Variants in NLRP5 observed in about 807,000 individuals in gnomAD.
NLRP5 encodes the protein NLR family pyrin domain containing 5, also known as NACHT, LRR and PYD domains-containing protein 5.
A neutral mutation model predicts 113.1 loss-of-function variants in NLRP5; 93 were observed. The observed-to-expected ratio is 0.82, with a 90% confidence interval of 0.70 to 0.98. The LOEUF is 0.98. NLRP5 is among the 50% of genes least tolerant of loss of function. NLRP5 has a pLI of 0.00. For synonymous variants in NLRP5, 751 were observed against 600.7 expected (o/e 1.25, Z -3.66); for missense variants, 1,808 against 1,514.3 (o/e 1.19, Z -3.22).
rs1555767859 is a variant in NLRP5 at position 56,030,714 on chromosome 19, C to CTTCTTTTTTTTTTTTTTTTTT, written c.2277-1895_2277-1894insCTTTTTTTTTTTTTTTTTTTT. ...ACTTACATTCATTCGCTTTCTTCTTCTTTTTTTTTTTTTTTTTTGAGACGG... is the reference window on the plus strand; with the variant it reads ...ACTTACATTCATTCGCTTTCTTCTTCTTCTTTTTTTTTTTTTTTTTTTTTTTTTTTTTTTTTTTTGAGACGG... On this transcript the variant is annotated intron_variant, in intron 7 of 14. Transcript: ENST00000390649. Among the ~76,000 whole-genome samples the CTTCTTTTTTTTTTTTTTTTTT allele has an allele frequency of 1.5e-3, 110 of 71,346 alleles. 5 individuals are homozygous for CTTCTTTTTTTTTTTTTTTTTT. The highest frequency in any genetic ancestry group is 6.4e-3 in the African/African-American group (89 of 13,958). The allele number at this position is 71,346 out of a possible 152,430, so 46.8% of individuals were successfully genotyped here. A position where few individuals can be genotyped will look rare whatever the true frequency, so the allele number is the denominator to read the frequency against.
chr19:56,015,000 A>G (rs550789524), intron 3 of NLRP5, among the ~76,000 whole-genome samples: 1 of 152,334 alleles, frequency 6.6e-6, no homozygotes, highest in Non-Finnish European at 1.5e-5. Flanking sequence ...AATGTTGGGT[A>G]TATGACACAG....
In NLRP5 at chr19:56,027,141, G is replaced by A; in HGVS notation, c.908G>A (p.Trp303Ter). The A allele has an allele frequency of 6.3e-7, 1 of 1,599,702 alleles. No individual in the cohort carries two copies. The highest frequency in any genetic ancestry group is 8.5e-7 in the Non-Finnish European group (1 of 1,173,316). The change falls in exon 7 of 15, where the codon TGG becomes TAG. Residue 303 changes from tryptophan (W) to a stop codon, truncating the protein, a stop_gained. Transcript: ENST00000390649. LOFTEE classifies it high-confidence loss of function. ...CTAGCCAGAAGGATCGTGCTGTGCT[G>A]GGCGCAAGGTGGACTCTACCAGGGA...
chr19:56,022,215 ACT>A (rs1164526856), intron 6 of NLRP5, among the ~76,000 whole-genome samples: 2 of 151,676 alleles, frequency 1.3e-5, no homozygotes, highest in African/African-American at 4.8e-5. Flanking sequence ...GGGGAGATAC[ACT>A]CTCCACTCCA....
intron 3 of NLRP5, among the ~76,000 whole-genome samples, chr19:56,012,448 C>CTTTTTTTT (rs60128070): frequency 7.3e-6 from 1 of 136,140 alleles, no homozygotes. Context: ...GCGCCTTGGC[C>CTTTTTTTT]TTTTTTTTTT....
At chr19:56,016,996 A>G (rs1356253994) in intron 4 of NLRP5, among the ~76,000 whole-genome samples, 1 of 152,034 alleles carries the variant, frequency 6.6e-6, no homozygotes, top group African/African-American at 2.4e-5. Context: ...TTTAGTGCAG[A>G]TGGGGTTTCA....
intron 4 of NLRP5, among the ~76,000 whole-genome samples, chr19:56,018,043 T>A (rs1429295843): frequency 1.3e-5 from 2 of 152,224 alleles, no homozygotes; most frequent in African/African-American, 4.8e-5. Flanking sequence ...TACACAGTTC[T>A]TCCCATCTTC....
At chr19:56,008,574 T>C (rs139790890) in intron 2 of NLRP5, among the ~76,000 whole-genome samples, 109 of 152,254 alleles carry the variant, frequency 7.2e-4, no homozygotes, top group African/African-American at 2.5e-3. Flanking sequence ...GGCCAGAGAA[T>C]TCTTCACAAA....
chr19:56,018,463 G>A (rs1052166630), intron 4 of NLRP5: 3 of 152,188 alleles, frequency 2.0e-5, no homozygotes, highest in Admixed American at 6.5e-5. Context: ...ACAGCAACTC[G>A]ACAACATAAG....
chr19:56,012,288 A>G (rs1053894777), intron 3 of NLRP5, among the ~76,000 whole-genome samples: 8 of 152,042 alleles, frequency 5.3e-5, no homozygotes, highest in African/African-American at 9.7e-5. Context: ...AGCTGGGACT[A>G]TAGGCACCTG....
chr19:56,049,775 T>C (rs940176180), intron 11 of NLRP5, among the ~76,000 whole-genome samples: 4 of 152,186 alleles, frequency 2.6e-5, no homozygotes, highest in African/African-American at 7.2e-5. Flanking sequence ...TTTCCTTGCA[T>C]TGGGCTTCAC....
chr19:55,988,154 G>A, the NLRP5 span: 1 of 300,792 alleles, frequency 3.3e-6, no homozygotes, highest in Non-Finnish European at 6.3e-6. Context: ...CACTATGGGA[G>A]GTCGAGGTGG....
At chr19:56,052,983 G>C (rs747754608) in intron 12 of NLRP5, among the ~76,000 whole-genome samples, 1 of 152,246 alleles carries the variant, frequency 6.6e-6, no homozygotes, top group Non-Finnish European at 1.5e-5. Flanking sequence ...TGTAATCCCA[G>C]CTACTGGGGA....
chr19:56,024,343 A>C (rs1323911067), intron 6 of NLRP5, among the ~76,000 whole-genome samples: 2 of 143,052 alleles, frequency 1.4e-5, no homozygotes, highest in African/African-American at 5.1e-5. Flanking sequence ...CTCTGCTTAA[A>C]AAAAAAAAAA....
chr19:56,046,399 C>CATGTGTGTGTGTGTGTGTGTGTGT (rs1555770181), intron 11 of NLRP5, among the ~76,000 whole-genome samples: 7 of 148,070 alleles, frequency 4.7e-5, no homozygotes, highest in African/African-American at 1.7e-4. Context: ...TTTGTAGTTT[C>CATGTGTGTGTGTGTGTGTGTGTGT]GTGTGTGTGT....
intron 11 of NLRP5, among the ~76,000 whole-genome samples, chr19:56,041,799 A>G (rs1206710383): frequency 1.3e-5 from 2 of 152,102 alleles, no homozygotes; most frequent in Non-Finnish European, 2.9e-5. Context: ...AATACAAAAA[A>G]TTAGCCGGGT....
Position 56,027,884 on chromosome 19 carries a change from C to T in NLRP5, c.1651C>T (p.Leu551Phe). 4 of 1,613,890 alleles carry T rather than the reference C, an allele frequency of 2.5e-6. No individual in the cohort carries two copies. Among genetic ancestry groups the T allele is most frequent in the Non-Finnish European group, 3.4e-6 (4 of 1,179,852 alleles). Reference sequence around the variant, plus strand: ...GAAGTCAGTGTTTGACGGTGACGACCTCATGGTTCAAGGACTCGGGGAGTC... The same window carrying T: ...GAAGTCAGTGTTTGACGGTGACGACTTCATGGTTCAAGGACTCGGGGAGTC... Residue 551 changes from leucine to phenylalanine, a missense_variant, in exon 7 of 15, where the codon CTC (leucine) becomes TTC (phenylalanine). Physicochemically the swap from Leu to Phe is conservative, Grantham distance 22. Transcript: ENST00000390649.
chr19:56,051,485 A>C (rs1983930456), intron 12 of NLRP5, among the ~76,000 whole-genome samples: 2 of 152,006 alleles, frequency 1.3e-5, no homozygotes, highest in Admixed American at 1.3e-4. Flanking sequence ...GAGCCACTGC[A>C]CCCCGCCAAG....
chr19:56,038,416 C>A (rs561983035), intron 10 of NLRP5, among the ~76,000 whole-genome samples: 45 of 152,234 alleles, frequency 3.0e-4, no homozygotes, highest in African/African-American at 1.1e-3. Flanking sequence ...AAAAGGTGGA[C>A]GCGGGAATCA....
chr19:56,037,970 A>T, intron 9 of NLRP5, 55 bp from the exon 10 acceptor site: 2 of 1,591,032 alleles, frequency 1.3e-6, no homozygotes, highest in Admixed American at 3.4e-5. Flanking sequence ...AGTAGAGGGG[A>T]AATGGGCTGC....
Sources: gnomAD v4.1 joint callset for allele counts (sites outside exome capture counted in the v4.1 genomes callset) on GRCh38, gnomAD v4.1.1 for gene constraint, MANE v1.5 for transcripts, NCBI Gene and HGNC (gene_info 2026-07-23, HGNC 2026-07-21) for gene names.